Variants in CIAO2A observed in about 807,000 individuals in gnomAD.
CIAO2A encodes the protein MIP18 family protein FAM96A.
A neutral mutation model predicts 22.4 loss-of-function variants in CIAO2A; 17 were observed. The ratio of observed to expected loss-of-function variants is 0.76; its 90% CI spans 0.52 to 1.14. The LOEUF is 1.14. CIAO2A is among the 50% of genes most tolerant of loss of function. The probability of loss-of-function intolerance (pLI) is 0.00; values close to 1 mark genes in which losing one functional copy is unlikely to be tolerated. For missense variants in CIAO2A, 192 were observed against 191.4 expected (o/e 1.00, Z -0.02); for synonymous variants, 74 against 72.3 (o/e 1.02, Z -0.12).
intron 1 of CIAO2A, among the ~76,000 whole-genome samples, chr15:64,089,292 G>A (rs948963277): frequency 6.6e-6 from 1 of 152,130 alleles, no homozygotes; most frequent in African/African-American, 2.4e-5. Context: ...AGAGGCAAAG[G>A]CGGGAGGATC....
In CIAO2A at chr15:64,093,713, G is replaced by T; in HGVS notation, c.56C>A (p.Ser19Tyr). The T allele has an allele frequency of 6.2e-7, 1 of 1,614,070 alleles. No homozygotes were observed. The highest frequency in any genetic ancestry group is 8.5e-7 in the Non-Finnish European group (1 of 1,179,964). Residue 19 changes from serine to tyrosine, a missense_variant, in exon 1 of 5, where the codon TCC becomes TAC. By Grantham distance (144) the Ser-to-Tyr change is moderately radical. Coordinates refer to ENST00000300030, the MANE Select transcript of CIAO2A (RefSeq NM_032231.7). ...SWTLSRVLWL[S>Y]GLSEPGAARQ... ...GGCAGCTCCCGGCTCAGAGAGGCCG[G>T]AGAGCCACAGGACTCTGCTCAGCGT...
chr15:64,093,261 G>C (rs2080857644), intron 1 of CIAO2A, among the ~76,000 whole-genome samples: 1 of 152,216 alleles, frequency 6.6e-6, no homozygotes, highest in Non-Finnish European at 1.5e-5. Flanking sequence ...CCAGGAGCTA[G>C]AGAACGAGGC....
At position 64,072,841 on chromosome 15, in the gene CIAO2A, C is replaced by G. The variant is rs764807268; in HGVS notation, c.*90G>C. The G allele has an allele frequency of 2.1e-5, 17 of 799,338 alleles. No individual in the cohort carries two copies. The highest frequency in any genetic ancestry group is 3.5e-5 in the Non-Finnish European group (17 of 488,912). The allele number at this position is 799,338 out of a possible 1,614,324, so 49.5% of individuals were successfully genotyped here. On this transcript the variant is annotated 3_prime_UTR_variant, in exon 5 of 5. Coordinates refer to ENST00000300030, the MANE Select transcript of CIAO2A (RefSeq NM_032231.7). ...AAAAATACTCTGAGGTACAAATCACCTATGTATTAAACATGAGTCTCTGAC... is the reference window on the plus strand; with the variant it reads ...AAAAATACTCTGAGGTACAAATCACGTATGTATTAAACATGAGTCTCTGAC...
chr15:64,074,264 G>A (rs1441182139), intron 4 of CIAO2A: 1 of 152,172 alleles, frequency 6.6e-6, no homozygotes, highest in African/African-American at 2.4e-5. Context: ...TCATGTAGAA[G>A]ACACACAAAC....
At chr15:64,081,250 G>T (rs2080757491) in intron 2 of CIAO2A, 99 bp from the exon 3 acceptor site, 1 of 1,151,914 alleles carries the variant, frequency 8.7e-7, no homozygotes, top group African/African-American at 1.5e-5. Context: ...ATACAACACA[G>T]TTGCTGAAAA....
rs535993507 is a variant in CIAO2A, at chr15:64,072,794, C to A, written c.*137G>T. 5.8e-5 allele frequency: 31 copies of A among 538,442 alleles called. No individual in the cohort carries two copies. The highest frequency in any genetic ancestry group is 4.4e-4 in the African/African-American group (23 of 52,184). The allele number at this position is 538,442 out of a possible 1,614,324, so 33.4% of individuals were successfully genotyped here. On this transcript the variant is annotated 3_prime_UTR_variant, in exon 5 of 5. Transcript: ENST00000300030. Reference sequence around the variant, plus strand: ...ATTAGGTACTACCTTATAATTAAATCTCGCTTGGAAAGAATCCTTTAAAAA... The same window carrying A: ...ATTAGGTACTACCTTATAATTAAATATCGCTTGGAAAGAATCCTTTAAAAA...
intron 3 of CIAO2A, among the ~76,000 whole-genome samples, chr15:64,076,723 C>CTTTT (rs556233822): frequency 8.7e-6 from 1 of 115,170 alleles, no homozygotes; most frequent in African/African-American, 2.9e-5. Flanking sequence ...CTAGTCCAAT[C>CTTTT]TTTTTTTTTT....
chr15:64,078,056 C>T (rs944431408), intron 3 of CIAO2A, among the ~76,000 whole-genome samples: 3 of 152,118 alleles, frequency 2.0e-5, no homozygotes, highest in Admixed American at 1.3e-4. Flanking sequence ...AAAATGTTAA[C>T]AATTAGTGAA....
chr15:64,093,718 C>T lies in CIAO2A; in HGVS notation c.51G>A (p.Trp17Ter), dbSNP rs1030800323. 2 of 1,613,952 alleles carry T rather than the reference C, an allele frequency of 1.2e-6. No homozygotes were observed. The highest frequency in any genetic ancestry group is 1.7e-6 in the Non-Finnish European group (2 of 1,179,962). Residue 17 changes from tryptophan (W) to a stop codon, truncating the protein, a stop_gained, in exon 1 of 5, where the codon TGG becomes TGA. Coordinates refer to ENST00000300030, the MANE Select transcript of CIAO2A (RefSeq NM_032231.7). LOFTEE classifies it high-confidence loss of function. The stretch of plus-strand genomic sequence containing the variant: ...CTCCCGGCTCAGAGAGGCCGGAGAG[C>T]CACAGGACTCTGCTCAGCGTCCAGG... ...LLSWTLSRVL[W>*]LSGLSEPGAA...
intron 3 of CIAO2A, among the ~76,000 whole-genome samples, chr15:64,076,765 C>T (rs905425532): frequency 1.3e-4 from 20 of 149,484 alleles, no homozygotes; most frequent in Admixed American, 7.3e-4. Context: ...TACTCTGTCG[C>T]CTAGGCTGGA....
At position 64,082,714 on chromosome 15, in the gene CIAO2A, C is replaced by T. The variant is rs75177027; in HGVS notation, c.290-1563G>A. ...TCTGTGTACTGTCTGAATATCCTCA[C>T]GTATTTTAGTCACTATTGGTAGGTG... On this transcript the variant is annotated intron_variant, in intron 2 of 4. Coordinates refer to ENST00000300030, the MANE Select transcript of CIAO2A (RefSeq NM_032231.7). Among the ~76,000 whole-genome samples the T allele has an allele frequency of 4.1e-3, 620 of 152,260 alleles. 6 individuals carry two copies. The highest frequency in any genetic ancestry group is 0.014 in the African/African-American group (582 of 41,560).
intron 1 of CIAO2A, among the ~76,000 whole-genome samples, chr15:64,091,794 T>A (rs1168363182): frequency 6.6e-6 from 1 of 152,104 alleles, no homozygotes; most frequent in Non-Finnish European, 1.5e-5. Flanking sequence ...GTGTGGTGGC[T>A]CATGCCTGTA....
intron 1 of CIAO2A, among the ~76,000 whole-genome samples, chr15:64,089,838 A>G (rs780873925): frequency 9.2e-5 from 14 of 152,202 alleles, no homozygotes; most frequent in Non-Finnish European, 1.3e-4. Flanking sequence ...CGAGGAAGAA[A>G]TTTGGGTGGG....
At chr15:64,077,038 C>T (rs934626041) in intron 3 of CIAO2A, among the ~76,000 whole-genome samples, 3 of 152,126 alleles carry the variant, frequency 2.0e-5, no homozygotes, top group Admixed American at 6.6e-5. Context: ...ACAAGCCGGG[C>T]GTGGTGGCTC....
chr15:64,089,671 T>TTTGA (rs1286511749), intron 1 of CIAO2A, among the ~76,000 whole-genome samples: 1 of 152,056 alleles, frequency 6.6e-6, no homozygotes, highest in Non-Finnish European at 1.5e-5. Flanking sequence ...CCTCAAGAGG[T>TTTGA]TTGAGACAAG....
chr15:64,073,454 TC>T (rs2080691157), intron 4 of CIAO2A, among the ~76,000 whole-genome samples: 1 of 152,240 alleles, frequency 6.6e-6, no homozygotes, highest in African/African-American at 2.4e-5. Flanking sequence ...GGAAATATTC[TC>T]AAAAATGGGA....
At chr15:64,089,394 G>A (rs1007883845) in intron 1 of CIAO2A, among the ~76,000 whole-genome samples, 3 of 151,830 alleles carry the variant, frequency 2.0e-5, no homozygotes, top group Non-Finnish European at 4.4e-5. Context: ...CGGGTGTAGT[G>A]GTGCAGGCCT....
At chr15:64,086,197 T>C (rs1314801142) in intron 2 of CIAO2A, among the ~76,000 whole-genome samples, 2 of 151,464 alleles carry the variant, frequency 1.3e-5, no homozygotes, top group African/African-American at 4.9e-5. Flanking sequence ...TCACCTGATA[T>C]TGGAAGTTCG....
At chr15:64,093,345 G>A (rs1160873942) in intron 1 of CIAO2A, among the ~76,000 whole-genome samples, 3 of 152,084 alleles carry the variant, frequency 2.0e-5, no homozygotes, top group African/African-American at 7.2e-5. Flanking sequence ...ACAAGTCTTG[G>A]AATGGTTACT....
Sources: gnomAD v4.1 joint callset for allele counts (sites outside exome capture counted in the v4.1 genomes callset) on GRCh38, gnomAD v4.1.1 for gene constraint, MANE v1.5 for transcripts, NCBI Gene and HGNC (gene_info 2026-07-23, HGNC 2026-07-21) for gene names.